CMTM7: variants seen among roughly 807,000 people sequenced by gnomAD.
CMTM7 encodes the protein CKLF-like MARVEL transmembrane domain-containing protein 7.
A neutral mutation model predicts 19.3 loss-of-function variants in CMTM7; 7 were observed. The ratio of observed to expected loss-of-function variants is 0.36; its 90% CI spans 0.21 to 0.68. The LOEUF (loss-of-function observed/expected upper bound fraction) is 0.68, where lower values mean the gene tolerates loss of function less well. CMTM7 is among the 30% of genes least tolerant of loss of function. The pLI, the probability that CMTM7 is intolerant of heterozygous loss-of-function variation, is 0.60. For missense variants in CMTM7, 193 were observed against 232.6 expected (o/e 0.83, Z 1.11); for synonymous variants, 87 against 99.3 (o/e 0.88, Z 0.74).
intron 1 of CMTM7, among the ~76,000 whole-genome samples, chr3:32,416,637 G>A (rs1224246069): frequency 2.6e-5 from 4 of 151,856 alleles, no homozygotes; most frequent in South Asian, 2.1e-4. Context: ...TGATCCAACC[G>A]CCTCGGCCTC....
At chr3:32,412,364 C>G (rs1280214851) in intron 1 of CMTM7, among the ~76,000 whole-genome samples, 1 of 151,920 alleles carries the variant, frequency 6.6e-6, no homozygotes, top group Admixed American at 6.6e-5. Flanking sequence ...GCGCACGCCT[C>G]TAGTCCCAGC....
intron 1 of CMTM7, among the ~76,000 whole-genome samples, chr3:32,423,369 G>T (rs1696373964): frequency 1.3e-5 from 2 of 152,218 alleles, no homozygotes; most frequent in Admixed American, 6.5e-5. Context: ...AGATATATTT[G>T]CTGGTAGAAC....
intron 1 of CMTM7, 145 bp downstream of exon 1, chr3:32,392,210 C>A (rs1695846586): frequency 3.2e-6 from 2 of 625,872 alleles, no homozygotes; most frequent in South Asian, 1.7e-4. Flanking sequence ...CGCTAAAGTT[C>A]GCGGCAGGCT....
intron 1 of CMTM7, among the ~76,000 whole-genome samples, chr3:32,405,101 G>T (rs1013665571): frequency 1.3e-5 from 2 of 152,224 alleles, no homozygotes; most frequent in Non-Finnish European, 2.9e-5. Context: ...ATGGTTACAA[G>T]AAACTGAAAG....
chr3:32,408,200 C>T (rs750461048), intron 1 of CMTM7, among the ~76,000 whole-genome samples: 4 of 152,148 alleles, frequency 2.6e-5, no homozygotes, highest in Non-Finnish European at 4.4e-5. Context: ...CCAATGATAG[C>T]GATTTCAGAC....
chr3:32,414,567 T>C (rs1175924097), intron 1 of CMTM7, among the ~76,000 whole-genome samples: 1 of 152,148 alleles, frequency 6.6e-6, no homozygotes, highest in African/African-American at 2.4e-5. Context: ...CCATTGAAGC[T>C]TCATGGGAGG....
intron 1 of CMTM7, among the ~76,000 whole-genome samples, chr3:32,415,038 G>C (rs1381363075): frequency 6.6e-6 from 1 of 151,948 alleles, no homozygotes; most frequent in Non-Finnish European, 1.5e-5. Context: ...TCTAGCCCAG[G>C]GACCAGCCAA....
intron 1 of CMTM7, among the ~76,000 whole-genome samples, chr3:32,425,635 A>G (rs779293147): frequency 2.0e-5 from 3 of 152,204 alleles, no homozygotes; most frequent in Non-Finnish European, 4.4e-5. Context: ...TGGTGGGGGA[A>G]GAGTGCCAAT....
intron 1 of CMTM7, among the ~76,000 whole-genome samples, chr3:32,409,563 G>A (rs1051951748): frequency 6.6e-6 from 1 of 152,090 alleles, no homozygotes; most frequent in Non-Finnish European, 1.5e-5. Flanking sequence ...AGATCATAAG[G>A]TGTATTCAGT....
intron 1 of CMTM7, among the ~76,000 whole-genome samples, chr3:32,431,210 A>G (rs1196122284): frequency 1.3e-5 from 2 of 152,232 alleles, no homozygotes; most frequent in African/African-American, 4.8e-5. Context: ...TATGTACAGT[A>G]TGATCCCGTT....
At chr3:32,438,904 A>G (rs1003975811) in intron 1 of CMTM7, among the ~76,000 whole-genome samples, 1 of 152,202 alleles carries the variant, frequency 6.6e-6, no homozygotes, top group Non-Finnish European at 1.5e-5. Flanking sequence ...AAATTATTTT[A>G]ATCTCTGCAT....
chr3:32,412,830 A>G (rs1009210526), intron 1 of CMTM7, among the ~76,000 whole-genome samples: 5 of 151,958 alleles, frequency 3.3e-5, no homozygotes, highest in African/African-American at 9.7e-5. Flanking sequence ...TTTGTTGCTT[A>G]TTTTTCTATT....
intron 1 of CMTM7, among the ~76,000 whole-genome samples, chr3:32,393,358 C>A (rs1695867306): frequency 6.6e-6 from 1 of 152,128 alleles, no homozygotes; most frequent in Non-Finnish European, 1.5e-5. Flanking sequence ...CATTTTTTGG[C>A]CCAGGCTAAG....
At chr3:32,452,116 C>T (rs1386462467) in intron 3 of CMTM7, 2 of 1,451,368 alleles carry the variant, frequency 1.4e-6, no homozygotes, top group South Asian at 2.4e-5. Flanking sequence ...AATGTAAACC[C>T]AGACCAGGCA....
chr3:32,449,691 C>T lies in CMTM7; in HGVS notation c.432+139C>T, dbSNP rs1049319025. On this transcript the variant is annotated intron_variant, in intron 3 of 4. Transcript: ENST00000334983. The surrounding 1 kb of genome is among the most constrained non-coding windows in gnomAD (Gnocchi z 4.5). ...ATACCTACCTTGATCCAGCCATCAGCTCTCTCCAAAGAGCCTTAAGCAGAG... is the reference window on the plus strand; with the variant it reads ...ATACCTACCTTGATCCAGCCATCAGTTCTCTCCAAAGAGCCTTAAGCAGAG... The T allele has an allele frequency of 7.0e-6, 5 of 715,080 alleles. No individual in the cohort carries two copies. Among genetic ancestry groups the T allele is most frequent in the African/African-American group, 3.5e-5 (2 of 56,818 alleles). 44.3% of individuals were successfully genotyped at this position (715,080 alleles called of 1,614,324 possible). A position where few individuals can be genotyped will look rare whatever the true frequency, so the allele number is the denominator to read the frequency against.
chr3:32,436,051 A>T (rs930825027), intron 1 of CMTM7, among the ~76,000 whole-genome samples: 2 of 152,232 alleles, frequency 1.3e-5, no homozygotes, highest in African/African-American at 4.8e-5. Context: ...TCTGCTGTGC[A>T]GTTACATTCA....
chr3:32,445,545 G>T (rs1696741427), intron 2 of CMTM7, among the ~76,000 whole-genome samples: 1 of 151,708 alleles, frequency 6.6e-6, no homozygotes. Context: ...CAGGATCTTG[G>T]TCTATCATCC....
At position 32,398,516 on chromosome 3, in the gene CMTM7, A is replaced by C. The variant is rs114252731; in HGVS notation, c.159+6451A>C. Among the ~76,000 whole-genome samples, 1,163 of 152,246 alleles carry C rather than the reference A, an allele frequency of 7.6e-3. 7 individuals are homozygous for C. Among genetic ancestry groups the C allele is most frequent in the Non-Finnish European group, 0.013 (877 of 68,008 alleles). ...CTTTATACTCAAATAGAGAAAATAA[A>C]CATTAATCAAAATGGTTATGAATAT... On this transcript the variant is annotated intron_variant, in intron 1 of 4. Coordinates refer to ENST00000334983, the MANE Select transcript of CMTM7 (RefSeq NM_138410.4).
chr3:32,395,983 G>A (rs1450028300), intron 1 of CMTM7, among the ~76,000 whole-genome samples: 13 of 152,078 alleles, frequency 8.5e-5, no homozygotes, highest in African/African-American at 2.2e-4. Flanking sequence ...GTACTGATGC[G>A]TGTAACCATA....
Sources: allele counts gnomAD v4.1 joint callset (sites outside exome capture counted in the v4.1 genomes callset), GRCh38; gene constraint gnomAD v4.1.1; non-coding constraint Gnocchi (gnomAD v3.1); transcripts MANE v1.5; gene names NCBI Gene and HGNC (gene_info 2026-07-23, HGNC 2026-07-21).